Variants in TBC1D5 observed in about 807,000 individuals in gnomAD.
TBC1D5 encodes TBC1 domain family, member 5.
A neutral mutation model predicts 100.3 loss-of-function variants in TBC1D5; 75 were observed. The ratio of observed to expected loss-of-function variants is 0.75; its 90% confidence interval spans 0.62 to 0.91. TBC1D5 has a LOEUF of 0.91. Among genes scored for constraint, TBC1D5 ranks in the 40% least tolerant of loss-of-function variants. TBC1D5 has a pLI of 0.00. For synonymous variants in TBC1D5, 323 were observed against 325.6 expected (o/e 0.99, Z 0.09); for missense variants, 910 against 942.4 (o/e 0.97, Z 0.45).
At chr3:17,275,260 G>T (rs1342365105) in intron 15 of TBC1D5, among the ~76,000 whole-genome samples, 1 of 152,144 alleles carries the variant, frequency 6.6e-6, no homozygotes, top group African/African-American at 2.4e-5. Flanking sequence ...AATCTGGGTG[G>T]GCTGGGTATG....
chr3:17,210,779 T>C (rs892704540), intron 18 of TBC1D5, among the ~76,000 whole-genome samples: 1 of 152,118 alleles, frequency 6.6e-6, no homozygotes, highest in African/African-American at 2.4e-5. Context: ...TGCTTTCTTT[T>C]ATTTTCTCTG....
chr3:17,523,994 G>A (rs1438524824), intron 2 of TBC1D5, among the ~76,000 whole-genome samples: 1 of 152,100 alleles, frequency 6.6e-6, no homozygotes, highest in Non-Finnish European at 1.5e-5. Flanking sequence ...AAAAGGTTCA[G>A]AAACACTGAC....
chr3:17,488,075 T>C (rs1241933009), intron 3 of TBC1D5, among the ~76,000 whole-genome samples: 1 of 152,214 alleles, frequency 6.6e-6, no homozygotes, highest in Non-Finnish European at 1.5e-5. Context: ...GTGCCCACAT[T>C]ACAGTACCAT....
chr3:17,457,761 G>C (rs1293904668), intron 3 of TBC1D5, among the ~76,000 whole-genome samples: 1 of 149,762 alleles, frequency 6.7e-6, no homozygotes, highest in East Asian at 2.0e-4. Context: ...ATGTATTATT[G>C]TCATCAGATG....
intron 2 of TBC1D5, among the ~76,000 whole-genome samples, chr3:17,574,706 GA>G (rs1381713105): frequency 6.6e-6 from 1 of 152,050 alleles, no homozygotes; most frequent in African/African-American, 2.4e-5. Flanking sequence ...TTCTGGACCA[GA>G]AAACAAAACA....
intron 1 of TBC1D5, among the ~76,000 whole-genome samples, chr3:17,716,082 G>A (rs1240637249): frequency 6.6e-6 from 1 of 152,080 alleles, no homozygotes; most frequent in African/African-American, 2.4e-5. Context: ...AATGAAAAAA[G>A]TTGGGCATGG....
intron 1 of TBC1D5, among the ~76,000 whole-genome samples, chr3:17,727,677 A>C (rs529819681): frequency 2.9e-4 from 44 of 152,360 alleles, no homozygotes; most frequent in Non-Finnish European, 5.4e-4. Flanking sequence ...GAAGAAGCTA[A>C]GAGAATAAAC....
chr3:17,158,361 G>A (rs563834548), exon 22 of TBC1D5: 1 of 152,142 alleles, frequency 6.6e-6, no homozygotes, highest in South Asian at 2.1e-4. Flanking sequence ...ATATATTCAG[G>A]ATTTAAAAAA....
At chr3:17,567,300 G>A (rs972274361) in intron 2 of TBC1D5, among the ~76,000 whole-genome samples, 1 of 151,694 alleles carries the variant, frequency 6.6e-6, no homozygotes, top group African/African-American at 2.4e-5. Context: ...CCTGACTAAA[G>A]CAGACCACTC....
intron 14 of TBC1D5, among the ~76,000 whole-genome samples, chr3:17,301,894 T>C (rs2082882133): frequency 6.6e-6 from 1 of 152,206 alleles, no homozygotes; most frequent in Non-Finnish European, 1.5e-5. Flanking sequence ...TCATAAACTA[T>C]TACAGGAGTA....
At chr3:17,310,425 G>A (rs972250848) in intron 13 of TBC1D5, among the ~76,000 whole-genome samples, 4 of 152,048 alleles carry the variant, frequency 2.6e-5, no homozygotes, top group Admixed American at 2.0e-4. Context: ...TAAGTACCTT[G>A]CCAAGTACAC....
chr3:17,453,861 TCAA>T (rs1303959154), intron 3 of TBC1D5, among the ~76,000 whole-genome samples: 2 of 152,118 alleles, frequency 1.3e-5, no homozygotes, highest in Non-Finnish European at 2.9e-5. Context: ...CAAAAAGTCC[TCAA>T]CAAAATACTA....
chr3:17,468,790 T>C (rs2095339393), intron 3 of TBC1D5, among the ~76,000 whole-genome samples: 1 of 152,192 alleles, frequency 6.6e-6, no homozygotes, highest in Non-Finnish European at 1.5e-5. Context: ...AATATTAAAC[T>C]AATGATGTTC....
Position 17,453,662 on chromosome 3 carries a change from T to C in TBC1D5, c.98-25143A>G, listed in dbSNP as rs200245282. Among the ~76,000 whole-genome samples, 12 of 152,178 alleles carry C rather than the reference T, an allele frequency of 7.9e-5. No homozygotes were observed. In the East Asian group the frequency reaches 2.1e-3, roughly 27 times the overall value. On this transcript the variant is annotated intron_variant, in intron 3 of 21. Coordinates refer to ENST00000253692, the Ensembl canonical transcript of TBC1D5. ...GTAACAAGATCAAAGCCATAATGGC[T>C]TTACTGCTGAATTCTACCAAACATT...
intron 3 of TBC1D5, among the ~76,000 whole-genome samples, chr3:17,504,123 G>T (rs1337168504): frequency 2.2e-4 from 1 of 4,638 alleles, no homozygotes; most frequent in East Asian, 5.1e-3. Context: ...CTTAAGATAG[G>T]AAAGAGAAAG....
chr3:17,564,520 G>T (rs926243002), intron 2 of TBC1D5, among the ~76,000 whole-genome samples: 5 of 152,124 alleles, frequency 3.3e-5, no homozygotes, highest in African/African-American at 1.2e-4. Context: ...AAGTGACAAT[G>T]AATGTACAAG....
At chr3:17,564,732 A>G (rs183945707) in intron 2 of TBC1D5, among the ~76,000 whole-genome samples, 1 of 152,292 alleles carries the variant, frequency 6.6e-6, no homozygotes, top group Non-Finnish European at 1.5e-5. Context: ...AGTAGTCAGC[A>G]TAGACAAATG....
At chr3:17,324,224 T>C (rs73145809) in intron 13 of TBC1D5, among the ~76,000 whole-genome samples, 9,200 of 152,238 alleles carry the variant, frequency 0.06, 540 homozygotes, top group African/African-American at 0.15. Flanking sequence ...TGAAAATAGG[T>C]AGAAGAAAAT....
intron 1 of TBC1D5, among the ~76,000 whole-genome samples, chr3:17,633,434 T>C (rs920395629): frequency 6.6e-6 from 1 of 151,880 alleles, no homozygotes; most frequent in Non-Finnish European, 1.5e-5. Flanking sequence ...CGAGACTCCA[T>C]CTCAAAAAAA....
Sources: gnomAD v4.1 joint callset for allele counts (sites outside exome capture counted in the v4.1 genomes callset) on GRCh38, gnomAD v4.1.1 for gene constraint, MANE v1.5 for transcripts, NCBI Gene and HGNC (gene_info 2026-07-23, HGNC 2026-07-21) for gene names.